Variants in CDH20 observed in about 807,000 individuals in gnomAD.
CDH20 encodes the protein cadherin 20.
In CDH20, 29 loss-of-function variants were observed where a neutral mutation model predicts 74.2. The observed-to-expected ratio is 0.39, with a 90% CI of 0.29 to 0.53. The LOEUF (loss-of-function observed/expected upper bound fraction) is 0.53. CDH20 is among the 20% of genes least tolerant of loss of function. The probability of loss-of-function intolerance (pLI) is 0.69; values close to 1 mark genes in which losing one functional copy is unlikely to be tolerated. For missense variants in CDH20, 988 were observed against 1,048.3 expected (o/e 0.94, Z 0.79); for synonymous variants, 469 against 405.4 (o/e 1.16, Z -1.88).
rs560609518 is a variant in CDH20, at chr18:61,456,426, TACAA to T, written c.-152-33973_-152-33970del. The stretch of plus-strand genomic sequence containing the variant: ...CTTTTTATATTTGGCAGTTAAAACC[TACAA>T]ACCAAATCTCCCTCCAATGCTTAAA... On this transcript the variant is annotated intron_variant, in intron 1 of 11. Transcript: ENST00000262717. 6.1e-4 allele frequency among the ~76,000 whole-genome samples: 93 copies of T among 152,308 alleles called. 2 individuals are homozygous for T. The highest frequency in any genetic ancestry group is 3.4e-3 in the Middle Eastern group (1 of 294).
intron 1 of CDH20, among the ~76,000 whole-genome samples, chr18:61,443,538 G>T (rs189733141): frequency 1.3e-5 from 2 of 152,240 alleles, no homozygotes; most frequent in East Asian, 3.9e-4. Flanking sequence ...CTCCAGAGCC[G>T]TGCTACTCAG....
intron 1 of CDH20, among the ~76,000 whole-genome samples, chr18:61,394,071 A>G (rs1911881557): frequency 6.6e-6 from 1 of 152,096 alleles, no homozygotes; most frequent in African/African-American, 2.4e-5. Flanking sequence ...AGTTTGTCAT[A>G]CTTTACCCAC....
At chr18:61,429,008 A>G (rs1012539162) in intron 1 of CDH20, among the ~76,000 whole-genome samples, 3 of 152,102 alleles carry the variant, frequency 2.0e-5, no homozygotes, top group South Asian at 2.1e-4. Context: ...GTTAGCCTCC[A>G]CAGCACCACA....
intron 6 of CDH20, among the ~76,000 whole-genome samples, chr18:61,516,238 A>G (rs59178588): frequency 0.067 from 10,269 of 152,296 alleles, 442 homozygotes; most frequent in Middle Eastern, 0.11. Flanking sequence ...AAATGTTAAT[A>G]CTCACATTGG....
intron 1 of CDH20, among the ~76,000 whole-genome samples, chr18:61,393,353 C>T (rs1911856996): frequency 6.6e-6 from 1 of 152,172 alleles, no homozygotes; most frequent in Non-Finnish European, 1.5e-5. Context: ...TGGCTCCTAA[C>T]TCAACACTGT....
intron 1 of CDH20, among the ~76,000 whole-genome samples, chr18:61,482,083 C>T (rs544117664): frequency 4.6e-5 from 7 of 152,006 alleles, no homozygotes; most frequent in African/African-American, 7.2e-5. Flanking sequence ...AGAGAAGCCA[C>T]GTCCAGGTAC....
rs549784728 is a variant in CDH20 at position 61,493,902 on chromosome 18, G to A, written c.246+3103G>A. ...TCCTCCCAAGGGTAGAAATTGAGACGCCACTCACCAACTTTGTCTACACCT... is the reference window on the plus strand; with the variant it reads ...TCCTCCCAAGGGTAGAAATTGAGACACCACTCACCAACTTTGTCTACACCT... On this transcript the variant is annotated intron_variant, in intron 2 of 11. Coordinates refer to ENST00000262717, the MANE Select transcript of CDH20 (RefSeq NM_031891.4). Among the ~76,000 whole-genome samples, 9 of 152,166 alleles carry A rather than the reference G, an allele frequency of 5.9e-5. No homozygotes were observed. In the East Asian group the frequency reaches 1.5e-3, roughly 26 times the overall value.
chr18:61,492,460 AC>A (rs1362482291), intron 2 of CDH20, among the ~76,000 whole-genome samples: 3 of 152,072 alleles, frequency 2.0e-5, no homozygotes, highest in African/African-American at 4.8e-5. Context: ...TCCTCTACTT[AC>A]GTCTCTTCAA....
At chr18:61,547,099 C>G (rs1477890967) in intron 10 of CDH20, among the ~76,000 whole-genome samples, 3 of 152,110 alleles carry the variant, frequency 2.0e-5, no homozygotes, top group Non-Finnish European at 2.9e-5. Context: ...GAGCCTGGGA[C>G]AGGAGGGTCA....
chr18:61,509,999 TTGGAA>T lies in CDH20; in HGVS notation c.1017+2441_1017+2445del, dbSNP rs1911723024. 3.3e-5 allele frequency among the ~76,000 whole-genome samples: 5 copies of T among 152,280 alleles called. No individual in the cohort carries two copies. In the South Asian group the frequency reaches 1.0e-3, roughly 32 times the overall value. On this transcript the variant is annotated intron_variant, in intron 6 of 11. Transcript: ENST00000262717. ...GAGCAGGTGGCAGGGGTGACAAGTA[TTGGAA>T]TTCAGTTCTGGACATACATGTGACA...
chr18:61,515,371 C>T (rs1158610013), intron 6 of CDH20, among the ~76,000 whole-genome samples: 7 of 151,962 alleles, frequency 4.6e-5, no homozygotes, highest in Non-Finnish European at 1.0e-4. Context: ...GCGCACGGTG[C>T]ACGCACCCAC....
intron 1 of CDH20, among the ~76,000 whole-genome samples, chr18:61,425,438 CCCAGTGCCT>C (rs1486750850): frequency 1.3e-4 from 20 of 152,284 alleles, no homozygotes; most frequent in African/African-American, 4.6e-4. Flanking sequence ...ATGAGTAGGG[CCCAGTGCCT>C]CTCTCACTGC....
rs536743659 is a variant in CDH20, at chr18:61,555,742, T to G, written c.*1047T>G. 4.4e-4 allele frequency: 425 copies of G among 958,178 alleles called. No individual in the cohort carries two copies. The highest frequency in any genetic ancestry group is 5.0e-4 in the Non-Finnish European group (401 of 805,124). 59.4% of individuals were successfully genotyped at this position (958,178 alleles called of 1,614,324 possible). ...ATATGATGTACTGCATCTCAGTACC[T>G]TAGCACTTCTTTTAATAAAAGTTAA... On this transcript the variant is annotated 3_prime_UTR_variant, in exon 12 of 12. Coordinates refer to ENST00000262717, the MANE Select transcript of CDH20 (RefSeq NM_031891.4).
chr18:61,405,209 T>C, intron 1 of CDH20: 1 of 434,340 alleles, frequency 2.3e-6, no homozygotes, highest in Non-Finnish European at 4.3e-6. Context: ...CCACCATCTT[T>C]CTGCCTTAGG....
chr18:61,393,607 A>G (rs1280396679), intron 1 of CDH20, among the ~76,000 whole-genome samples: 1 of 152,220 alleles, frequency 6.6e-6, no homozygotes, highest in Non-Finnish European at 1.5e-5. Context: ...GTATAGCTGT[A>G]GGCAGATTGG....
Position 61,554,213 on chromosome 18 carries a change from A to G in CDH20, c.1924A>G (p.Met642Val), listed in dbSNP as rs1253460000. The change falls in exon 12 of 12, where the codon ATG (methionine) becomes GTG (valine). Residue 642 changes from methionine (M) to valine (V), a missense_variant. Around this residue, in one of 2 missense-constraint regions of CDH20, gnomAD observed 375 missense variants for 293.1 expected, o/e 1.28. Coordinates refer to ENST00000262717, the MANE Select transcript of CDH20 (RefSeq NM_031891.4). ...AGTGCTGGTGTTGCTCATTTTGTCCATGAGGCGGCACCGGAAACAACCATA... is the reference window on the plus strand; with the variant it reads ...AGTGCTGGTGTTGCTCATTTTGTCCGTGAGGCGGCACCGGAAACAACCATA... ...LLVLVLLILS[M>V]RRHRKQPYII... 1.9e-6 allele frequency: 3 copies of G among 1,612,052 alleles called. No homozygotes were observed. The highest frequency in any genetic ancestry group is 3.3e-4 in the Middle Eastern group (2 of 6,054).
intron 1 of CDH20, among the ~76,000 whole-genome samples, chr18:61,485,697 G>A (rs1910736416): frequency 6.6e-6 from 1 of 152,290 alleles, no homozygotes; most frequent in Middle Eastern, 3.4e-3. Context: ...ATCATAAGGT[G>A]CATCAACATT....
At position 61,539,151 on chromosome 18, in the gene CDH20, G is replaced by A. The variant is rs1272006855; in HGVS notation, c.1530+6G>A. Reference sequence around the variant, plus strand: ...AGAACGCCAAGGCAGGACAGGTAAGGTGGCCTGTGGGTGGTGCACTCTGCT... The same window carrying A: ...AGAACGCCAAGGCAGGACAGGTAAGATGGCCTGTGGGTGGTGCACTCTGCT... On this transcript the variant is annotated splice_donor_region_variant and intron_variant, in intron 9 of 11. Transcript: ENST00000262717. 11 of 1,613,930 alleles carry A rather than the reference G, an allele frequency of 6.8e-6. 1 individual carries two copies. Among genetic ancestry groups the A allele is most frequent in the African/African-American group, 2.7e-5 (2 of 74,910 alleles).
chr18:61,514,710 C>T (rs1354491497), intron 6 of CDH20, among the ~76,000 whole-genome samples: 1 of 150,656 alleles, frequency 6.6e-6, no homozygotes, highest in African/African-American at 2.4e-5. Context: ...GTTAGTTTTC[C>T]TTCTAACAGA....
Sources: allele counts gnomAD v4.1 joint callset (sites outside exome capture counted in the v4.1 genomes callset), GRCh38; gene constraint gnomAD v4.1.1; regional missense constraint gnomAD v4.1.1; transcripts MANE v1.5; gene names NCBI Gene and HGNC (gene_info 2026-07-23, HGNC 2026-07-21).